The following MEIS2 variants were observed in gnomAD, a reference collection of about 807,000 sequenced individuals.
The protein encoded by MEIS2 is Meis homeobox 2.
In MEIS2, 9 loss-of-function variants were observed where a neutral mutation model predicts 58.6. That is an observed-to-expected ratio of 0.15 (90% confidence interval 0.09 to 0.27). MEIS2 has a LOEUF of 0.27. Among genes scored for constraint, MEIS2 ranks in the 10% least tolerant of loss-of-function variants. The probability of loss-of-function intolerance (pLI) is 1.00; values close to 1 mark genes in which losing one functional copy is unlikely to be tolerated. For missense variants in MEIS2, 427 were observed against 635.0 expected (o/e 0.67, Z 3.52); for synonymous variants, 221 against 228.4 (o/e 0.97, Z 0.29).
intron 3 of MEIS2, 191 bp downstream of exon 3, chr15:37,096,098 C>A (rs1016013209): frequency 1.7e-6 from 1 of 583,566 alleles, no homozygotes; most frequent in Non-Finnish European, 2.9e-6. Flanking sequence ...GGGGGGAAAA[C>A]AAACACCCAT....
At chr15:36,996,046 CAT>C (rs71126253) in intron 8 of MEIS2, among the ~76,000 whole-genome samples, 13 of 100,646 alleles carry the variant, frequency 1.3e-4, no homozygotes, top group East Asian at 3.7e-4. Context: ...CACACACACA[CAT>C]ATATATATAC....
At chr15:37,075,435 C>G (rs1224179684) in intron 7 of MEIS2, among the ~76,000 whole-genome samples, 5 of 151,916 alleles carry the variant, frequency 3.3e-5, no homozygotes, top group Non-Finnish European at 7.4e-5. Flanking sequence ...TTCAGTAAAA[C>G]AAAATAATTT....
intron 8 of MEIS2, among the ~76,000 whole-genome samples, chr15:36,964,124 C>A (rs776580682): frequency 5.3e-5 from 8 of 152,140 alleles, no homozygotes; most frequent in Admixed American, 2.6e-4. Context: ...AACTTTCTTG[C>A]AAAACAATTA....
At chr15:37,094,456 T>C (rs1893946955) in intron 5 of MEIS2, 71 bp downstream of exon 5, 1 of 1,505,008 alleles carries the variant, frequency 6.6e-7, no homozygotes, top group African/African-American at 1.4e-5. Context: ...AGAGGTTTGT[T>C]AAAAACATCC....
intron 11 of MEIS2, among the ~76,000 whole-genome samples, chr15:36,893,887 C>A (rs919140839): frequency 6.6e-6 from 1 of 152,146 alleles, no homozygotes; most frequent in African/African-American, 2.4e-5. Flanking sequence ...TATATTCAGC[C>A]TCATTAAACA....
chr15:37,045,771 T>G (rs758987645), intron 7 of MEIS2, among the ~76,000 whole-genome samples: 1 of 152,164 alleles, frequency 6.6e-6, no homozygotes, highest in Non-Finnish European at 1.5e-5. Context: ...AAGTGATTAG[T>G]TCATGGCCCG....
chr15:36,920,391 C>T (rs1158419444), intron 9 of MEIS2, among the ~76,000 whole-genome samples: 1 of 152,224 alleles, frequency 6.6e-6, no homozygotes, highest in Non-Finnish European at 1.5e-5. Flanking sequence ...AGGTGATCCA[C>T]CCGCCTCGGC....
At chr15:37,035,423 T>C (rs1387388520) in intron 8 of MEIS2, among the ~76,000 whole-genome samples, 1 of 152,218 alleles carries the variant, frequency 6.6e-6, no homozygotes, top group African/African-American at 2.4e-5. Context: ...CTCCTGATTA[T>C]CCCTGACCAA....
At position 37,062,906 on chromosome 15, in the gene MEIS2, G is replaced by A. The variant is rs540762177; in HGVS notation, c.754+20865C>T. On this transcript the variant is annotated intron_variant, in intron 7 of 11. Coordinates refer to ENST00000561208, the MANE Select transcript of MEIS2 (RefSeq NM_170675.5). ...ACACTTGAAATGATGTCAGAGAAAT[G>A]TTCATCTTCAAGGATGGGGTAAGAC... Among the ~76,000 whole-genome samples the A allele has an allele frequency of 2.6e-5, 4 of 152,320 alleles. No individual in the cohort carries two copies. In the South Asian group the frequency reaches 8.3e-4, roughly 32 times the overall value.
chr15:36,907,078 T>A (rs761824674), intron 9 of MEIS2, among the ~76,000 whole-genome samples: 35 of 152,224 alleles, frequency 2.3e-4, no homozygotes, highest in Admixed American at 5.9e-4. Flanking sequence ...ATGGAACTTA[T>A]CAGAGAGTTT....
rs953085645 is a variant in MEIS2, at chr15:36,910,852, C to G, written c.978-14166G>C. Among the ~76,000 whole-genome samples the G allele has an allele frequency of 3.3e-5, 5 of 152,198 alleles. No homozygotes were observed. The East Asian group carries it at 9.7e-4, about 29-fold the overall frequency. On this transcript the variant is annotated intron_variant, in intron 9 of 11. Transcript: ENST00000561208. ...ACGAGGTCAGGAGTTCAAGCCCAGC[C>G]TGGCCAACATAGTGAAACCCTGTCT...
At chr15:37,046,735 T>C (rs762549345) in intron 7 of MEIS2, among the ~76,000 whole-genome samples, 1 of 152,166 alleles carries the variant, frequency 6.6e-6, no homozygotes, top group African/African-American at 2.4e-5. Flanking sequence ...AATGGCTTTG[T>C]TTATTGACTG....
intron 7 of MEIS2, among the ~76,000 whole-genome samples, chr15:37,046,343 G>A (rs1392860271): frequency 6.6e-6 from 1 of 152,192 alleles, no homozygotes; most frequent in Non-Finnish European, 1.5e-5. Flanking sequence ...CTGCAGAGAT[G>A]AGCTAACCTT....
In MEIS2 at chr15:37,049,437, G is replaced by A. The variant is rs138024087; in HGVS notation, c.755-12478C>T. On this transcript the variant is annotated intron_variant, in intron 7 of 11. Coordinates refer to ENST00000561208, the MANE Select transcript of MEIS2 (RefSeq NM_170675.5). ...TTTTAAGGGATGAATTGCATAATAT[G>A]TGAATTATATCTCAATAAAGTTGTG... is the stretch of plus-strand genomic sequence containing the variant. Among the ~76,000 whole-genome samples, 10 of 152,140 alleles carry A rather than the reference G, an allele frequency of 6.6e-5. No homozygotes were observed. In the East Asian group the frequency reaches 1.2e-3, roughly 18 times the overall value.
intron 9 of MEIS2, among the ~76,000 whole-genome samples, chr15:36,909,608 A>G (rs16964275): frequency 0.026 from 4,005 of 152,228 alleles, 153 homozygotes; most frequent in African/African-American, 0.092. Context: ...TTTTGTACTC[A>G]CAAACAACTC....
rs528463666 is a variant in MEIS2 at position 36,954,814 on chromosome 15, C to T, written c.901-4414G>A. On this transcript the variant is annotated intron_variant, in intron 8 of 11. Coordinates refer to ENST00000561208, the MANE Select transcript of MEIS2 (RefSeq NM_170675.5). ...GGTAGAGTCTTAGTTTGAGTACATG[C>T]GTGGAAACTGATCATTATGCATGGA... Among the ~76,000 whole-genome samples the T allele has an allele frequency of 4.6e-5, 7 of 152,116 alleles. No individual in the cohort carries two copies. The East Asian group carries it at 5.8e-4, about 13-fold the overall frequency.
chr15:36,915,905 A>C (rs1369376662), intron 9 of MEIS2, among the ~76,000 whole-genome samples: 1 of 152,178 alleles, frequency 6.6e-6, no homozygotes, highest in Admixed American at 6.5e-5. Context: ...TAAAGTTAGC[A>C]CTATAGAAAA....
chr15:37,093,447 G>C, intron 6 of MEIS2, 134 bp downstream of exon 6: 1 of 1,107,160 alleles, frequency 9.0e-7, no homozygotes, highest in Non-Finnish European at 1.3e-6. Flanking sequence ...AAGCAAGAAA[G>C]AGAAGAAAAG....
At chr15:36,984,763 C>A (rs1595869596) in intron 8 of MEIS2, among the ~76,000 whole-genome samples, 1 of 152,222 alleles carries the variant, frequency 6.6e-6, no homozygotes, top group East Asian at 1.9e-4. Flanking sequence ...ATTCAATCTC[C>A]TTACCGGTTA....
Sources: gnomAD v4.1 joint callset for allele counts (sites outside exome capture counted in the v4.1 genomes callset) on GRCh38, gnomAD v4.1.1 for gene constraint, MANE v1.5 for transcripts, NCBI Gene and HGNC (gene_info 2026-07-23, HGNC 2026-07-21) for gene names.